The following CHD9 variants were observed in gnomAD, a reference collection of about 807,000 sequenced individuals.
CHD9 encodes chromodomain helicase DNA binding protein 9.
Under a neutral mutation model 316.1 loss-of-function variants are expected in CHD9, and 77 were observed. That is an observed-to-expected ratio of 0.24 (90% CI 0.20 to 0.29). The LOEUF (loss-of-function observed/expected upper bound fraction) is 0.29. Ranked by LOEUF, CHD9 falls within the 10% of genes least tolerant of loss-of-function variation. The pLI, the probability that CHD9 is intolerant of heterozygous loss-of-function variation, is 1.00. For missense variants in CHD9, 2,763 were observed against 3,438.1 expected (o/e 0.80, Z 4.91); for synonymous variants, 1,129 against 1,158.3 (o/e 0.97, Z 0.51).
intron 24 of CHD9, among the ~76,000 whole-genome samples, chr16:53,284,728 C>T (rs1009237532): frequency 3.3e-4 from 50 of 152,120 alleles, no homozygotes; most frequent in African/African-American, 1.2e-3. Flanking sequence ...GATTTTATGG[C>T]ATTCTATTAT....
At chr16:53,316,246 T>A (rs1029433295) in intron 36 of CHD9, among the ~76,000 whole-genome samples, 4 of 152,204 alleles carry the variant, frequency 2.6e-5, no homozygotes, top group African/African-American at 9.6e-5. Context: ...ATGGGAATCC[T>A]GAGTTGAACA....
At chr16:53,283,563 T>G (rs2053600412) in intron 24 of CHD9, among the ~76,000 whole-genome samples, 1 of 152,208 alleles carries the variant, frequency 6.6e-6, no homozygotes, top group Admixed American at 6.5e-5. Flanking sequence ...TCTGACCCAC[T>G]TTTTTTCTCC....
At chr16:53,132,680 A>G (rs1236684395) in intron 1 of CHD9, among the ~76,000 whole-genome samples, 1 of 152,068 alleles carries the variant, frequency 6.6e-6, no homozygotes, top group Non-Finnish European at 1.5e-5. Flanking sequence ...AACAGGCCAC[A>G]TGGAGCCTTA....
chr16:53,154,255 T>A (rs2041343434), intron 1 of CHD9, among the ~76,000 whole-genome samples: 1 of 152,232 alleles, frequency 6.6e-6, no homozygotes, highest in Non-Finnish European at 1.5e-5. Context: ...TTACTAATAT[T>A]TCCTGAGCTG....
intron 17 of CHD9, among the ~76,000 whole-genome samples, chr16:53,251,900 G>C (rs2050159475): frequency 6.6e-6 from 1 of 151,982 alleles, no homozygotes; most frequent in African/African-American, 2.4e-5. Context: ...AGAAATCATA[G>C]ATGACACAAA....
chr16:53,134,853 A>G (rs546909951), intron 1 of CHD9, among the ~76,000 whole-genome samples: 16 of 152,220 alleles, frequency 1.1e-4, no homozygotes, highest in Non-Finnish European at 2.1e-4. Context: ...TTTATGATAT[A>G]TGTATTAAGT....
chr16:53,266,862 A>T (rs2051746643), intron 20 of CHD9, among the ~76,000 whole-genome samples: 1 of 152,196 alleles, frequency 6.6e-6, no homozygotes, highest in South Asian at 2.1e-4. Flanking sequence ...TTTGACCAGT[A>T]TTTCCATTTC....
In CHD9 at chr16:53,318,292, C is replaced by G. The variant is rs776291010; in HGVS notation, c.7665C>G (p.Leu2555=). The G allele has an allele frequency of 3.1e-6, 5 of 1,612,120 alleles. No individual in the cohort carries two copies. The South Asian group carries it at 5.5e-5, about 18-fold the overall frequency. The change falls in exon 37 of 39, where the codon CTC becomes CTG. Residue 2555 remains leucine, a synonymous_variant. Transcript: ENST00000447540. The stretch of plus-strand genomic sequence containing the variant: ...CCAATAAACTAGATGTGAATAGTCT[C>G]ACTGGAGAAGAACGTGTTCAACTGA... The part of the protein sequence containing the change: ...RNPNKLDVNS[L]TGEERVQLIN...
At chr16:53,160,030 ATGAGT>A (rs1234337027) in intron 2 of CHD9, among the ~76,000 whole-genome samples, 1 of 152,136 alleles carries the variant, frequency 6.6e-6, no homozygotes, top group Non-Finnish European at 1.5e-5. Context: ...TTTTTATGAC[ATGAGT>A]TGAGTATTGT....
chr16:53,208,681 C>T (rs2046081146), intron 2 of CHD9: 1 of 991,890 alleles, frequency 1.0e-6, no homozygotes, highest in Admixed American at 6.1e-5. Flanking sequence ...TGGTTTTTTC[C>T]TTTGGTATAG....
intron 3 of CHD9, among the ~76,000 whole-genome samples, chr16:53,222,170 G>A (rs558297992): frequency 3.3e-5 from 5 of 152,088 alleles, no homozygotes; most frequent in South Asian, 2.1e-4. Flanking sequence ...TCCGCCTCCC[G>A]GGCTCAAGCG....
At chr16:53,215,869 A>G (rs767816185) in intron 3 of CHD9, among the ~76,000 whole-genome samples, 2 of 152,176 alleles carry the variant, frequency 1.3e-5, no homozygotes, top group Non-Finnish European at 2.9e-5. Flanking sequence ...AAGTATAAAC[A>G]TTGTGGTTTT....
chr16:53,208,593 T>G, intron 2 of CHD9: 19 of 1,003,222 alleles, frequency 1.9e-5, no homozygotes, highest in Non-Finnish European at 2.1e-5. Context: ...CTATGAAACC[T>G]TTGATGAGGC....
At chr16:53,286,392 C>A in intron 26 of CHD9, 49 bp downstream of exon 26, 2 of 930,468 alleles carry the variant, frequency 2.1e-6, no homozygotes, top group South Asian at 1.4e-5. Flanking sequence ...CTCTTCTATT[C>A]AATATCAGCA....
At chr16:53,233,683 C>G (rs2048373960) in intron 10 of CHD9, among the ~76,000 whole-genome samples, 1 of 152,048 alleles carries the variant, frequency 6.6e-6, no homozygotes, top group Non-Finnish European at 1.5e-5. Context: ...CTTCTGGTGA[C>G]CAGCCCCACC....
At chr16:53,314,592 G>A (rs1284765272) in intron 35 of CHD9, 76 bp downstream of exon 35, 4 of 1,258,164 alleles carry the variant, frequency 3.2e-6, no homozygotes, top group Non-Finnish European at 4.3e-6. Context: ...TTATTGTTTT[G>A]TGAATGTTTT....
intron 2 of CHD9, among the ~76,000 whole-genome samples, chr16:53,187,073 TTAA>T (rs1311631572): frequency 6.6e-6 from 1 of 151,912 alleles, no homozygotes; most frequent in African/African-American, 2.4e-5. Context: ...CAAAACAGAG[TTAA>T]TAATGACTAG....
chr16:53,183,316 C>T (rs1209551334), intron 2 of CHD9, among the ~76,000 whole-genome samples: 1 of 152,062 alleles, frequency 6.6e-6, no homozygotes, highest in Non-Finnish European at 1.5e-5. Context: ...GAGCAAACCA[C>T]TATTCTGATA....
rs2048812350 is a variant in CHD9, at chr16:53,238,409, T to C, written c.2700T>C (p.Tyr900=). The change falls in exon 12 of 39, where the codon TAT becomes TAC. Residue 900 remains tyrosine (Y), a synonymous_variant. Coordinates refer to ENST00000447540, the MANE Select transcript of CHD9 (RefSeq NM_001308319.2). ...GKTIQSITFL[Y]EILLTGIRGP... ...CTATTCAATCAATTACATTCCTCTA[T>C]GAAATCCTTCTGACTGGTATAAGAG... 1 of 1,612,836 alleles carries C rather than the reference T, an allele frequency of 6.2e-7. No homozygotes were observed.
Sources: gnomAD v4.1 joint callset for allele counts (sites outside exome capture counted in the v4.1 genomes callset) on GRCh38, gnomAD v4.1.1 for gene constraint, MANE v1.5 for transcripts, NCBI Gene and HGNC (gene_info 2026-07-23, HGNC 2026-07-21) for gene names.